Variants in TANC1 observed in about 807,000 individuals in gnomAD.
The protein encoded by TANC1 is protein TANC1.
In TANC1, 77 loss-of-function variants were observed where a neutral mutation model predicts 149.7. The observed-to-expected ratio is 0.51, with a 90% confidence interval of 0.43 to 0.62. The LOEUF (loss-of-function observed/expected upper bound fraction) is 0.62, where lower values mean the gene tolerates loss of function less well. TANC1 is among the 20% of genes least tolerant of loss of function. TANC1 has a pLI of 0.00. For missense variants in TANC1, 1,985 were observed against 2,321.8 expected, an observed-to-expected ratio of 0.85 and a Z score of 2.98; for synonymous variants, 854 against 925.0, an observed-to-expected ratio of 0.92 and a Z score of 1.39.
chr2:159,177,433 A>G (rs1345993863), intron 13 of TANC1, among the ~76,000 whole-genome samples: 2 of 151,910 alleles, frequency 1.3e-5, no homozygotes, highest in African/African-American at 2.4e-5. Context: ...CCCTTTTATG[A>G]TATTTATTTA....
chr2:159,124,196 A>G (rs2150113862), intron 4 of TANC1, among the ~76,000 whole-genome samples: 2 of 152,202 alleles, frequency 1.3e-5, no homozygotes, highest in East Asian at 1.9e-4. Flanking sequence ...TGTCTCTACT[A>G]AAAATACAAA....
chr2:159,089,094 G>A (rs1052012494), intron 3 of TANC1, among the ~76,000 whole-genome samples: 4 of 152,164 alleles, frequency 2.6e-5, no homozygotes, highest in East Asian at 1.9e-4. Flanking sequence ...TACAGAGGCC[G>A]ACTCCAGGGT....
At chr2:159,216,059 C>T (rs982315628) in intron 19 of TANC1, among the ~76,000 whole-genome samples, 4 of 152,170 alleles carry the variant, frequency 2.6e-5, no homozygotes, top group African/African-American at 7.2e-5. Flanking sequence ...TCAACTTACT[C>T]GTAGCGTCAG....
chr2:159,172,607 T>G (rs1269686813), intron 11 of TANC1, among the ~76,000 whole-genome samples: 1 of 152,226 alleles, frequency 6.6e-6, no homozygotes, highest in Non-Finnish European at 1.5e-5. Flanking sequence ...TTGGGAGCTT[T>G]TGACTTGACC....
chr2:159,216,281 TAAG>T lies in TANC1; in HGVS notation c.3245-1211_3245-1209del, dbSNP rs547640070. Reference sequence around the variant, plus strand: ...GAGGTCTGTCTGCCTGACTGACTTGTAAGAAGACTTCCCTATTCTGGAAACTGG... The same window carrying T: ...GAGGTCTGTCTGCCTGACTGACTTGTAAGACTTCCCTATTCTGGAAACTGG... On this transcript the variant is annotated intron_variant, in intron 19 of 26. Transcript: ENST00000263635. 3.9e-3 allele frequency among the ~76,000 whole-genome samples: 592 copies of T among 152,296 alleles called. 6 individuals carry two copies. The highest frequency in any genetic ancestry group is 0.014 in the African/African-American group (575 of 41,558).
At chr2:158,989,152 C>T (rs2035343847) in intron 1 of TANC1, among the ~76,000 whole-genome samples, 1 of 152,086 alleles carries the variant, frequency 6.6e-6, no homozygotes, top group Admixed American at 6.5e-5. Flanking sequence ...TCAAAGATAC[C>T]CCCTGAGGAT....
Position 159,179,052 on chromosome 2 carries a change from G to C in TANC1, c.2399G>C (p.Cys800Ser), listed in dbSNP as rs1316216818. The change falls in exon 14 of 27, where the codon TGC (cysteine) becomes TCC (serine). Residue 800 changes from cysteine (C) to serine (S), a missense_variant. Transcript: ENST00000263635. ...DFQQRMDALSCFLIKRRDKTR... is the reference protein window; with the variant it reads ...DFQQRMDALSSFLIKRRDKTR... ...CAGCAGAGGATGGACGCCCTCTCCT[G>C]CTTCCTCATTAAGAGGCGAGACAAA... The C allele has an allele frequency of 6.2e-7, 1 of 1,613,944 alleles. No homozygotes were observed.
At chr2:159,208,565 C>T (rs953350165) in intron 19 of TANC1, among the ~76,000 whole-genome samples, 4 of 152,142 alleles carry the variant, frequency 2.6e-5, no homozygotes, top group Non-Finnish European at 5.9e-5. Context: ...TTAGATAGCT[C>T]GGTGAAAATG....
chr2:159,065,942 A>G lies in TANC1; in HGVS notation c.32A>G (p.Glu11Gly). The G allele has an allele frequency of 6.2e-7, 1 of 1,613,890 alleles. No individual in the cohort carries two copies. Among genetic ancestry groups the G allele is most frequent in the Non-Finnish European group, 8.5e-7 (1 of 1,179,770 alleles). ...AAGGCTGTGCTGAAGAAGAGCCGAG[A>G]GGGAGGAAAGGGAGGCAAGAAGGAA... MLKAVLKKSR[E>G]GGKGGKKEAG... The change falls in exon 3 of 27, where the codon GAG (glutamate) becomes GGG (glycine). Residue 11 changes from glutamate to glycine, a missense_variant. This residue lies in a region of TANC1 where 557 missense variants were observed against 612.9 expected (regional missense o/e 0.91). Coordinates refer to ENST00000263635, the MANE Select transcript of TANC1 (RefSeq NM_033394.3).
chr2:159,072,019 T>A (rs1398050212), intron 3 of TANC1, among the ~76,000 whole-genome samples: 1 of 152,228 alleles, frequency 6.6e-6, no homozygotes, highest in Non-Finnish European at 1.5e-5. Context: ...TCGGCTCTGT[T>A]GCCTGGGCTG....
chr2:159,150,347 T>C (rs150873209), intron 6 of TANC1, 23 bp from the exon 7 acceptor site: 3 of 1,607,380 alleles, frequency 1.9e-6, no homozygotes, highest in Non-Finnish European at 2.6e-6. Flanking sequence ...CCGTGCTAAC[T>C]CCTCCTTCCA....
intron 5 of TANC1, among the ~76,000 whole-genome samples, chr2:159,136,651 C>T (rs1024660399): frequency 6.6e-6 from 1 of 152,082 alleles, no homozygotes; most frequent in African/African-American, 2.4e-5. Flanking sequence ...AATTCAACAA[C>T]AGGCTTTGGC....
chr2:159,161,649 TAGAA>T (rs2054057154), intron 7 of TANC1, among the ~76,000 whole-genome samples: 1 of 152,254 alleles, frequency 6.6e-6, no homozygotes, highest in Non-Finnish European at 1.5e-5. Context: ...ATTTTTATGA[TAGAA>T]AGAGTCATAC....
At chr2:159,219,473 T>A (rs1347815189) in intron 21 of TANC1, 112 bp downstream of exon 21, 2 of 1,502,398 alleles carry the variant, frequency 1.3e-6, no homozygotes, top group Non-Finnish European at 1.8e-6. Flanking sequence ...AATGGAAATT[T>A]TCTAATAAAC....
At chr2:158,995,496 C>T (rs2036045700) in intron 1 of TANC1, among the ~76,000 whole-genome samples, 1 of 152,154 alleles carries the variant, frequency 6.6e-6, no homozygotes, top group Non-Finnish European at 1.5e-5. Context: ...TTAGGCAATC[C>T]TTTCCCTCCC....
intron 4 of TANC1, among the ~76,000 whole-genome samples, chr2:159,108,893 C>T (rs2047446745): frequency 6.6e-6 from 1 of 152,162 alleles, no homozygotes; most frequent in Non-Finnish European, 1.5e-5. Context: ...AGCACTGAAA[C>T]CAGAAAGCCT....
At chr2:159,032,127 AT>A (rs1314300509) in intron 2 of TANC1, among the ~76,000 whole-genome samples, 1 of 152,246 alleles carries the variant, frequency 6.6e-6, no homozygotes, top group African/African-American at 2.4e-5. Flanking sequence ...GGGGCGTGTC[AT>A]TAATACAAAG....
chr2:158,972,336 T>C (rs1260716745), intron 1 of TANC1, among the ~76,000 whole-genome samples: 2 of 152,218 alleles, frequency 1.3e-5, no homozygotes, highest in African/African-American at 4.8e-5. Flanking sequence ...GAGTATTCCT[T>C]TTTTTGGTGT....
chr2:158,978,553 C>G (rs2033950906), intron 1 of TANC1, among the ~76,000 whole-genome samples: 1 of 152,042 alleles, frequency 6.6e-6, no homozygotes, highest in African/African-American at 2.4e-5. Flanking sequence ...TGGAGTAACA[C>G]GAAAGGCCTG....
Sources: allele counts gnomAD v4.1 joint callset (sites outside exome capture counted in the v4.1 genomes callset), GRCh38; gene constraint gnomAD v4.1.1; regional missense constraint gnomAD v4.1.1; transcripts MANE v1.5; gene names NCBI Gene and HGNC (gene_info 2026-07-23, HGNC 2026-07-21).